SLC4A4: variants seen among roughly 807,000 people sequenced by gnomAD.
SLC4A4 encodes the protein solute carrier family 4 member 4, also known as electrogenic sodium bicarbonate cotransporter 1.
A neutral mutation model predicts 111.5 loss-of-function variants in SLC4A4; 27 were observed. The observed-to-expected ratio is 0.24, with a 90% CI of 0.18 to 0.33. The LOEUF (loss-of-function observed/expected upper bound fraction) is 0.33, where lower values mean the gene tolerates loss of function less well. SLC4A4 is among the 10% of genes least tolerant of loss of function. The pLI, the probability that SLC4A4 is intolerant of heterozygous loss-of-function variation, is 1.00. For missense variants in SLC4A4, 909 were observed against 1,315.5 expected, an observed-to-expected ratio of 0.69 and a Z score of 4.78; for synonymous variants, 443 against 463.4, an observed-to-expected ratio of 0.96 and a Z score of 0.57.
Position 71,096,514 on chromosome 4 carries a change from A to G in SLC4A4, c.-2+3722A>G, listed in dbSNP as rs182045998. 1.6e-3 allele frequency among the ~76,000 whole-genome samples: 251 copies of G among 152,306 alleles called. 1 individual carries two copies. Among genetic ancestry groups the G allele is most frequent in the African/African-American group, 5.8e-3 (239 of 41,560 alleles). On this transcript the variant is annotated intron_variant, in intron 2 of 26. Coordinates refer to the SLC4A4 transcript ENST00000649996. ...GCACAAAATTTAAAAAGGTGCCAAA[A>G]AACTCAGTAATTGAGATAAATGTTA...
chr4:71,206,750 A>G (rs1274888504), intron 1 of SLC4A4, among the ~76,000 whole-genome samples: 1 of 151,996 alleles, frequency 6.6e-6, no homozygotes, highest in Non-Finnish European at 1.5e-5. Flanking sequence ...GAATCTCATT[A>G]AAACCAGTAG....
intron 7 of SLC4A4, among the ~76,000 whole-genome samples, chr4:71,424,412 C>A (rs1311131412): frequency 6.6e-6 from 1 of 151,412 alleles, no homozygotes; most frequent in Non-Finnish European, 1.5e-5. Flanking sequence ...ACTAGTTCAA[C>A]CATTGTGGAA....
chr4:71,144,445 C>G (rs1399341439), intron 2 of SLC4A4, among the ~76,000 whole-genome samples: 4 of 152,010 alleles, frequency 2.6e-5, no homozygotes, highest in African/African-American at 4.8e-5. Flanking sequence ...TTTTTGGTTC[C>G]TTATGAACTT....
At chr4:71,355,125 A>G (rs928573163) in intron 5 of SLC4A4, among the ~76,000 whole-genome samples, 3 of 152,228 alleles carry the variant, frequency 2.0e-5, no homozygotes, top group African/African-American at 7.2e-5. Context: ...GGTGATTTCC[A>G]GGCATTAGTA....
At position 71,259,148 on chromosome 4, in the gene SLC4A4, CA is replaced by C. The variant is rs987396947; in HGVS notation, c.253+3750del. 1.2e-4 allele frequency among the ~76,000 whole-genome samples: 18 copies of C among 152,256 alleles called. 1 individual carries two copies. The highest frequency in any genetic ancestry group is 4.3e-4 in the African/African-American group (18 of 41,546). ...TAGTGAGACCCTGTCTCTACAAAAA[CA>C]TGAAAGGGCATTTATAAGAAGTAAA... On this transcript the variant is annotated intron_variant, in intron 3 of 25. Transcript: ENST00000264485.
At chr4:71,217,834 A>AG (rs1718526207) in intron 1 of SLC4A4, among the ~76,000 whole-genome samples, 1 of 152,174 alleles carries the variant, frequency 6.6e-6, no homozygotes, top group South Asian at 2.1e-4. Context: ...GACTTACAAA[A>AG]CAGACTCTGA....
chr4:71,406,009 T>A (rs956247355), intron 7 of SLC4A4, among the ~76,000 whole-genome samples: 5 of 151,798 alleles, frequency 3.3e-5, no homozygotes, highest in Admixed American at 6.6e-5. Flanking sequence ...TCAGGCTCTG[T>A]GAGAATTTCC....
chr4:71,147,263 T>G (rs1158280671), intron 2 of SLC4A4, among the ~76,000 whole-genome samples: 1 of 152,104 alleles, frequency 6.6e-6, no homozygotes, highest in African/African-American at 2.4e-5. Flanking sequence ...CCTTTCAAAT[T>G]TCTCCTCTTA....
chr4:71,346,141 C>T (rs920973450), intron 4 of SLC4A4, among the ~76,000 whole-genome samples: 3 of 151,638 alleles, frequency 2.0e-5, no homozygotes, highest in Non-Finnish European at 2.9e-5. Context: ...TCAGTGATTC[C>T]CAGTGGGTCT....
chr4:71,435,278 T>C (rs1724020333), intron 7 of SLC4A4, among the ~76,000 whole-genome samples: 1 of 152,162 alleles, frequency 6.6e-6, no homozygotes, highest in South Asian at 2.1e-4. Context: ...ATCTGATCTT[T>C]GACAAACCAG....
At chr4:71,430,773 C>CT (rs2149040786) in intron 7 of SLC4A4, among the ~76,000 whole-genome samples, 1 of 152,194 alleles carries the variant, frequency 6.6e-6, no homozygotes, top group South Asian at 2.1e-4. Context: ...GTCCTGTGCC[C>CT]TTTCAACACG....
At chr4:71,071,218 C>G (rs530248933) in intron 1 of SLC4A4, among the ~76,000 whole-genome samples, 1 of 148,252 alleles carries the variant, frequency 6.7e-6, no homozygotes, top group Non-Finnish European at 1.5e-5. Flanking sequence ...TGCAGTGAGC[C>G]GAGATCACAC....
intron 2 of SLC4A4, among the ~76,000 whole-genome samples, chr4:71,117,131 C>T (rs546789638): frequency 9.2e-5 from 14 of 152,172 alleles, no homozygotes; most frequent in African/African-American, 1.9e-4. Flanking sequence ...TGTGCACCAC[C>T]GTGAGTGGCT....
Position 71,409,578 on chromosome 4 carries a change from TA to T in SLC4A4, c.807+11929del, listed in dbSNP as rs537232288. On this transcript the variant is annotated intron_variant, in intron 7 of 25. Coordinates refer to ENST00000264485, the MANE Select transcript of SLC4A4 (RefSeq NM_001098484.3). ...ATTCAAAAGGTGACTTGGGTGCTGT[TA>T]AAAGCATTCTGTTTTAGAAGGGAAA... 2.2e-3 allele frequency among the ~76,000 whole-genome samples: 340 copies of T among 152,328 alleles called. 1 individual carries two copies. The highest frequency in any genetic ancestry group is 7.8e-3 in the African/African-American group (326 of 41,580).
At chr4:71,094,761 G>A (rs1009605576) in intron 2 of SLC4A4, among the ~76,000 whole-genome samples, 2 of 152,068 alleles carry the variant, frequency 1.3e-5, no homozygotes, top group African/African-American at 2.4e-5. Flanking sequence ...TTGTGTTAAA[G>A]TATGTGTGTG....
intron 5 of SLC4A4, among the ~76,000 whole-genome samples, chr4:71,355,519 G>A (rs1403116102): frequency 6.6e-6 from 1 of 152,192 alleles, no homozygotes; most frequent in Non-Finnish European, 1.5e-5. Context: ...ACATTTCTAT[G>A]GGAGAAACTC....
chr4:71,112,121 G>T (rs1260154763), intron 2 of SLC4A4, among the ~76,000 whole-genome samples: 1 of 152,154 alleles, frequency 6.6e-6, no homozygotes, highest in East Asian at 1.9e-4. Context: ...GCAAGTTTTG[G>T]CTATCTTCCT....
rs141192823 is a variant in SLC4A4 at position 71,266,603 on chromosome 4, T to A, written c.253+11204T>A. On this transcript the variant is annotated intron_variant, in intron 3 of 25. Coordinates refer to ENST00000264485, the MANE Select transcript of SLC4A4 (RefSeq NM_001098484.3). The stretch of plus-strand genomic sequence containing the variant: ...TTCCCCGAGAGGAAATAAGCTAATG[T>A]AACTGCTTTTCGACTCTTTTTTTTC... Among the ~76,000 whole-genome samples, 6 of 152,354 alleles carry A rather than the reference T, an allele frequency of 3.9e-5. No homozygotes were observed. The East Asian group carries it at 1.2e-3, about 29-fold the overall frequency.
At position 71,182,001 on chromosome 4, in the gene SLC4A4, T is replaced by G. The variant is rs530637413; in HGVS notation, c.-1-54575T>G. On this transcript the variant is annotated intron_variant, in intron 2 of 26. Transcript: ENST00000649996. ...GACCTGGGATAGTTGGACACCCTCT[T>G]CATAGCATTTATCACTTCATTGCAT... Among the ~76,000 whole-genome samples, 395 of 152,310 alleles carry G rather than the reference T, an allele frequency of 2.6e-3. 2 individuals are homozygous for G. The highest frequency in any genetic ancestry group is 6.8e-3 in the Middle Eastern group (2 of 294).
Sources: gnomAD v4.1 joint callset for allele counts (sites outside exome capture counted in the v4.1 genomes callset) on GRCh38, gnomAD v4.1.1 for gene constraint, MANE v1.5 for transcripts, NCBI Gene and HGNC (gene_info 2026-07-23, HGNC 2026-07-21) for gene names.